Variants in COPG2 observed in about 807,000 individuals in gnomAD.
The protein encoded by COPG2 is coat protein complex I subunit gamma 2.
In COPG2, 37 loss-of-function variants were observed where a neutral mutation model predicts 46.3. The observed-to-expected ratio is 0.80, with a 90% CI of 0.61 to 1.05. The LOEUF (loss-of-function observed/expected upper bound fraction) is 1.05, where lower values mean the gene tolerates loss of function less well. COPG2 is among the 50% of genes least tolerant of loss of function. The pLI is 0.00. For synonymous variants in COPG2, 159 were observed against 129.7 expected, an observed-to-expected ratio of 1.23 and a Z score of -1.53; for missense variants, 427 against 387.8, an observed-to-expected ratio of 1.10 and a Z score of -0.85.
chr7:130,595,657 C>G (rs1794512669), intron 9 of COPG2, among the ~76,000 whole-genome samples: 1 of 152,088 alleles, frequency 6.6e-6, no homozygotes, highest in South Asian at 2.1e-4. Flanking sequence ...CTTGAGTACC[C>G]CCACACTCCC....
chr7:130,527,324 G>C (rs1799783879), intron 20 of COPG2, among the ~76,000 whole-genome samples: 1 of 151,384 alleles, frequency 6.6e-6, no homozygotes. Flanking sequence ...GGCATACATG[G>C]GGGTAAGGGA....
intron 20 of COPG2, among the ~76,000 whole-genome samples, chr7:130,524,804 A>G (rs1380906186): frequency 1.2e-4 from 19 of 152,290 alleles, no homozygotes; most frequent in African/African-American, 4.1e-4. Context: ...CCACGTGTCA[A>G]TGAAGGGTGT....
At chr7:130,539,589 C>T (rs908260058) in intron 20 of COPG2, among the ~76,000 whole-genome samples, 73 of 152,294 alleles carry the variant, frequency 4.8e-4, no homozygotes, top group African/African-American at 1.3e-3. Flanking sequence ...GAGAGAAATA[C>T]TGGCCACAGA....
chr7:130,577,776 AAAAAAAAAAAAAC>A (rs1319402226), intron 9 of COPG2, among the ~76,000 whole-genome samples: 22 of 150,748 alleles, frequency 1.5e-4, no homozygotes, highest in African/African-American at 4.6e-4. Flanking sequence ...TCAAAAAAAA[AAAAAAAAAAAAAC>A]AAAAAAAAAA....
rs537763139 is a variant in COPG2, at chr7:130,573,271, AAAT to A, written c.738-8881_738-8879del. 7.4e-4 allele frequency among the ~76,000 whole-genome samples: 113 copies of A among 151,922 alleles called. 1 individual carries two copies. The highest frequency in any genetic ancestry group is 1.1e-3 in the Non-Finnish European group (77 of 67,890). On this transcript the variant is annotated intron_variant, in intron 9 of 23. Transcript: ENST00000425248. The stretch of plus-strand genomic sequence containing the variant: ...ACCAGTTAATTCTATCAGATATTTA[AAAT>A]AATAATAATACCAATTCTTCACAAC...
chr7:130,568,350 A>C (rs1006313909), intron 9 of COPG2, among the ~76,000 whole-genome samples: 1 of 152,182 alleles, frequency 6.6e-6, no homozygotes, highest in Non-Finnish European at 1.5e-5. Context: ...ACATAAACTT[A>C]AGGTAAAGGG....
At chr7:130,539,105 C>T (rs967516576) in intron 20 of COPG2, among the ~76,000 whole-genome samples, 3 of 152,034 alleles carry the variant, frequency 2.0e-5, no homozygotes, top group African/African-American at 7.2e-5. Context: ...AGAAGAAGGT[C>T]TTAAATTCTA....
intron 5 of COPG2, among the ~76,000 whole-genome samples, chr7:130,626,249 T>C (rs1470466080): frequency 2.6e-5 from 4 of 152,086 alleles, no homozygotes; most frequent in African/African-American, 4.8e-5. Context: ...AAATTCAGCA[T>C]GACCATAAAT....
At chr7:130,546,852 TTC>T (rs1184499058) in intron 20 of COPG2, 2 of 152,236 alleles carry the variant, frequency 1.3e-5, no homozygotes, top group South Asian at 2.1e-4. Context: ...ATTTTTTAAC[TTC>T]TGTTTCTCCT....
chr7:130,613,492 C>T, intron 7 of COPG2, 52 bp downstream of exon 7: 2 of 1,110,884 alleles, frequency 1.8e-6, no homozygotes, highest in Admixed American at 4.2e-5. Context: ...TTTGTTTTCG[C>T]AACTCAAAAC....
At chr7:130,573,776 A>G (rs1275900742) in intron 9 of COPG2, among the ~76,000 whole-genome samples, 1 of 152,180 alleles carries the variant, frequency 6.6e-6, no homozygotes, top group Non-Finnish European at 1.5e-5. Context: ...AGGTTTGTTC[A>G]TAGCTAATGG....
At chr7:130,661,537 A>C (rs1554460757) in intron 4 of COPG2, among the ~76,000 whole-genome samples, 2 of 152,244 alleles carry the variant, frequency 1.3e-5, no homozygotes, top group African/African-American at 4.8e-5. Flanking sequence ...GGTTAAAAGA[A>C]GTCCTTAAAG....
intron 9 of COPG2, among the ~76,000 whole-genome samples, chr7:130,577,801 A>C (rs539816131): frequency 1.4e-4 from 21 of 151,426 alleles, no homozygotes; most frequent in East Asian, 1.4e-3. Context: ...AAAAAAAAAA[A>C]CAGCCCACCA....
At chr7:130,524,768 T>C (rs1799758281) in intron 20 of COPG2, among the ~76,000 whole-genome samples, 2 of 151,948 alleles carry the variant, frequency 1.3e-5, no homozygotes. Context: ...GGCATAGAAG[T>C]GCTGCTACCT....
chr7:130,612,123 G>C (rs1331762618), intron 8 of COPG2, 29 bp downstream of exon 8: 1 of 1,485,982 alleles, frequency 6.7e-7, no homozygotes, highest in Non-Finnish European at 9.4e-7. Context: ...CTGATCCTGA[G>C]ACAAGCTAAT....
chr7:130,649,896 T>C (rs1375999500), intron 5 of COPG2, among the ~76,000 whole-genome samples: 1 of 152,218 alleles, frequency 6.6e-6, no homozygotes, highest in Non-Finnish European at 1.5e-5. Flanking sequence ...TGTAACAAAG[T>C]ACCACAAACT....
intron 20 of COPG2, among the ~76,000 whole-genome samples, chr7:130,515,341 G>A (rs1473258919): frequency 4.0e-5 from 6 of 151,754 alleles, no homozygotes; most frequent in Admixed American, 3.3e-4. Context: ...AGAGTGGGAG[G>A]AGGTACCACA....
At chr7:130,532,575 G>C (rs970187211) in intron 20 of COPG2, among the ~76,000 whole-genome samples, 1 of 152,108 alleles carries the variant, frequency 6.6e-6, no homozygotes, top group South Asian at 2.1e-4. Context: ...GGAGGAGGGT[G>C]GGGGGAGATA....
chr7:130,610,790 A>T (rs1563058620), intron 9 of COPG2, 163 bp downstream of exon 9: 1 of 738,940 alleles, frequency 1.4e-6, no homozygotes, highest in Non-Finnish European at 2.4e-6. Flanking sequence ...AAGGTTAAAA[A>T]AAGTGTGACT....
Sources: gnomAD v4.1 joint callset for allele counts (sites outside exome capture counted in the v4.1 genomes callset) on GRCh38, gnomAD v4.1.1 for gene constraint, MANE v1.5 for transcripts, NCBI Gene and HGNC (gene_info 2026-07-23, HGNC 2026-07-21) for gene names.